The following DLGAP2 variants were observed in gnomAD, a reference collection of about 807,000 sequenced individuals.
DLGAP2 encodes the protein DLG associated protein 2.
Under a neutral mutation model 100.3 loss-of-function variants are expected in DLGAP2, and 26 were observed. The ratio of observed to expected loss-of-function variants is 0.26; its 90% CI spans 0.19 to 0.36. The LOEUF (loss-of-function observed/expected upper bound fraction) is 0.36. Ranked by LOEUF, DLGAP2 falls within the 10% of genes least tolerant of loss-of-function variation. The pLI, the probability that DLGAP2 is intolerant of heterozygous loss-of-function variation, is 1.00. For synonymous variants in DLGAP2, 886 were observed against 630.1 expected, an observed-to-expected ratio of 1.41 and a Z score of -6.08; for missense variants, 1,858 against 1,453.2, an observed-to-expected ratio of 1.28 and a Z score of -4.53.
intron 6 of DLGAP2, among the ~76,000 whole-genome samples, chr8:1,575,882 GT>G (rs1457876882): frequency 1.3e-5 from 2 of 151,970 alleles, no homozygotes. Flanking sequence ...GGACATTTGG[GT>G]TGGTTCCAAG....
intron 6 of DLGAP2, chr8:1,604,681 T>A (rs75508107): frequency 6.7e-6 from 1 of 149,660 alleles, no homozygotes; most frequent in Non-Finnish European, 1.5e-5. Context: ...CGCAGGAGAC[T>A]GTGATCCAGA....
intron 1 of DLGAP2, among the ~76,000 whole-genome samples, chr8:877,703 A>G (rs1797710555): frequency 1.3e-5 from 2 of 152,170 alleles, no homozygotes; most frequent in Admixed American, 6.5e-5. Context: ...TGTGTCTTGA[A>G]TCTCTTCCCA....
chr8:1,451,677 A>G (rs1798163647), intron 3 of DLGAP2, among the ~76,000 whole-genome samples: 1 of 151,994 alleles, frequency 6.6e-6, no homozygotes, highest in Non-Finnish European at 1.5e-5. Flanking sequence ...GGTCCCCAGC[A>G]GCCCCTTCTC....
At position 1,540,210 on chromosome 8, in the gene DLGAP2, C is replaced by T. The variant is rs545467454; in HGVS notation, c.173-8416C>T. 1.8e-4 allele frequency among the ~76,000 whole-genome samples: 28 copies of T among 152,318 alleles called. No homozygotes were observed. The East Asian group carries it at 5.2e-3, about 28-fold the overall frequency. On this transcript the variant is annotated intron_variant, in intron 4 of 14. Coordinates refer to ENST00000637795, the MANE Select transcript of DLGAP2 (RefSeq NM_001346810.2). ...GCCCTCCCCACCACACTTGTCCCAG[C>T]GGGTAAAGGCCCGAAACATGGGGTG...
At chr8:1,686,471 C>T (rs1799118326) in intron 12 of DLGAP2, among the ~76,000 whole-genome samples, 1 of 152,146 alleles carries the variant, frequency 6.6e-6, no homozygotes, top group Admixed American at 6.5e-5. Context: ...AGTTTGAGAC[C>T]AGCCTGGCCA....
chr8:1,382,723 C>T (rs1358243809), intron 3 of DLGAP2, among the ~76,000 whole-genome samples: 1 of 152,110 alleles, frequency 6.6e-6, no homozygotes, highest in Non-Finnish European at 1.5e-5. Context: ...GCCTGGGCAA[C>T]CCAGTGAGAC....
chr8:1,532,841 A>AT (rs1446933771), intron 4 of DLGAP2, among the ~76,000 whole-genome samples: 2 of 152,168 alleles, frequency 1.3e-5, no homozygotes, highest in East Asian at 3.9e-4. Context: ...GAACTCACAA[A>AT]AAGGCTCTTC....
chr8:1,003,127 A>C (rs2129018598), intron 2 of DLGAP2: 1 of 152,370 alleles, frequency 6.6e-6, no homozygotes, highest in Non-Finnish European at 1.5e-5. Flanking sequence ...TCATGTGGAC[A>C]TGCCCCACCA....
intron 1 of DLGAP2, among the ~76,000 whole-genome samples, chr8:753,191 G>A (rs760675664): frequency 7.0e-4 from 106 of 152,304 alleles, no homozygotes; most frequent in Admixed American, 6.5e-4. Context: ...GTGTTGCTGC[G>A]GACCCCGTCA....
At position 1,357,352 on chromosome 8, in the gene DLGAP2, C is replaced by A. The variant is rs535004141; in HGVS notation, c.106+98469C>A. Among the ~76,000 whole-genome samples, 27 of 152,048 alleles carry A rather than the reference C, an allele frequency of 1.8e-4. 1 individual carries two copies. Among genetic ancestry groups the A allele is most frequent in the Admixed American group, 4.6e-4 (7 of 15,276 alleles). Reference sequence around the variant, plus strand: ...GACTCATCACACTGACACCCCTGTTCACCTAAACCAGATACAACCCCTTCC... The same window carrying A: ...GACTCATCACACTGACACCCCTGTTAACCTAAACCAGATACAACCCCTTCC... On this transcript the variant is annotated intron_variant, in intron 3 of 14. Transcript: ENST00000637795.
At chr8:1,572,680 A>T (rs1020147721) in intron 6 of DLGAP2, among the ~76,000 whole-genome samples, 2 of 94,626 alleles carry the variant, frequency 2.1e-5, no homozygotes, top group Non-Finnish European at 4.1e-5. Context: ...TGGGATGGAG[A>T]GGAGAGAGGG....
chr8:1,336,307 G>C (rs989455877), intron 3 of DLGAP2, among the ~76,000 whole-genome samples: 7 of 152,222 alleles, frequency 4.6e-5, no homozygotes, highest in Admixed American at 2.0e-4. Flanking sequence ...CCTTCGTTCT[G>C]GGAAGAAAGG....
In DLGAP2 at chr8:987,464, C is replaced by G. The variant is rs375763237; in HGVS notation, c.73+79498C>G. ...TTGAAGATCAGGTCTCCAGAGACCA[C>G]AGGAGGAAGAGACAGGCCCAGCACA... On this transcript the variant is annotated intron_variant, in intron 2 of 14. Coordinates refer to ENST00000637795, the MANE Select transcript of DLGAP2 (RefSeq NM_001346810.2). Among the ~76,000 whole-genome samples, 98 of 152,284 alleles carry G rather than the reference C, an allele frequency of 6.4e-4. 1 individual carries two copies. In the South Asian group the frequency reaches 0.018, roughly 28 times the overall value.
intron 12 of DLGAP2, 123 bp from the exon 13 acceptor site, chr8:1,691,412 C>A: frequency 2.6e-6 from 2 of 775,660 alleles, no homozygotes; most frequent in Non-Finnish European, 2.1e-6. Flanking sequence ...ACGCTCGGCA[C>A]GATGAAGTCG....
chr8:1,306,074 C>CAAAAAAAAAAA lies in DLGAP2; in HGVS notation c.106+47199_106+47209dup, dbSNP rs61647224. On this transcript the variant is annotated intron_variant, in intron 3 of 14. Transcript: ENST00000637795. ...AGAAGTCCTAGACAGAGAAATTAGGCAAAAAAAAAAAAAAAAAAGAGAGAG... is the reference window on the plus strand; with the variant it reads ...AGAAGTCCTAGACAGAGAAATTAGGCAAAAAAAAAAAAAAAAAAAAAAAAAAAAAGAGAGAG... Among the ~76,000 whole-genome samples the CAAAAAAAAAAA allele has an allele frequency of 6.0e-3, 699 of 116,080 alleles. 9 individuals carry two copies. The highest frequency in any genetic ancestry group is 8.2e-3 in the Non-Finnish European group (456 of 55,946). 76.2% of individuals were successfully genotyped at this position (116,080 alleles called of 152,430 possible).
rs1188756612 is a variant in DLGAP2 at position 1,516,037 on chromosome 8, GTAAC to G, written c.172+14608_172+14611del. On this transcript the variant is annotated intron_variant, in intron 4 of 14. Coordinates refer to ENST00000637795, the MANE Select transcript of DLGAP2 (RefSeq NM_001346810.2). ...AGTGCATGAATGAGTGAGTGAATGA[GTAAC>G]TGAGTGAATGAGTGAGTGGGTGAGT... is the stretch of plus-strand genomic sequence containing the variant. Among the ~76,000 whole-genome samples the G allele has an allele frequency of 6.0e-5, 8 of 133,670 alleles. No individual in the cohort carries two copies. In the East Asian group the frequency reaches 1.0e-3, roughly 17 times the overall value. 87.7% of individuals were successfully genotyped at this position (133,670 alleles called of 152,430 possible). A position where few individuals can be genotyped will look rare whatever the true frequency, so the allele number is the denominator to read the frequency against.
At chr8:998,183 C>T (rs1180427600) in intron 2 of DLGAP2, among the ~76,000 whole-genome samples, 1 of 152,244 alleles carries the variant, frequency 6.6e-6, no homozygotes, top group Admixed American at 6.5e-5. Flanking sequence ...CACAAATGTG[C>T]ATGCACACAT....
At chr8:955,290 G>C (rs1799571264) in intron 2 of DLGAP2, among the ~76,000 whole-genome samples, 2 of 152,060 alleles carry the variant, frequency 1.3e-5, no homozygotes, top group Admixed American at 6.5e-5. Flanking sequence ...TAAACCTGTG[G>C]TGCCTTTCTT....
chr8:781,358 C>G (rs527687712), intron 1 of DLGAP2, among the ~76,000 whole-genome samples: 20 of 152,046 alleles, frequency 1.3e-4, no homozygotes, highest in Middle Eastern at 3.4e-3. Context: ...GGTTTGATTC[C>G]TAAAGCTATT....
Sources: allele counts gnomAD v4.1 joint callset (sites outside exome capture counted in the v4.1 genomes callset), GRCh38; gene constraint gnomAD v4.1.1; transcripts MANE v1.5; gene names NCBI Gene and HGNC (gene_info 2026-07-23, HGNC 2026-07-21).